Variants in ATP2B2 observed in about 807,000 individuals in gnomAD.
ATP2B2 encodes the protein ATPase plasma membrane Ca2+ transporting 2, also known as plasma membrane calcium-transporting ATPase 2.
In ATP2B2, 15 loss-of-function variants were observed where a neutral mutation model predicts 120.0. That is an observed-to-expected ratio of 0.12 (90% CI 0.08 to 0.19). The LOEUF is 0.19. Ranked by LOEUF, ATP2B2 falls within the 10% of genes least tolerant of loss-of-function variation. The pLI is 1.00. For missense variants in ATP2B2, 1,045 were observed against 1,719.8 expected (o/e 0.61, Z 6.94); for synonymous variants, 694 against 700.3 (o/e 0.99, Z 0.14).
At position 10,625,341 on chromosome 3, in the gene ATP2B2, A is replaced by T. The variant is rs566850329; in HGVS notation, c.-459-5380T>A. ...TCATGGGCTTCGGGGGCCTGGGTCA[A>T]GAGTGAGAAGGTGAGGGGTGGTGGA... is the stretch of plus-strand genomic sequence containing the variant. On this transcript the variant is annotated intron_variant, in intron 1 of 21. Coordinates refer to the ATP2B2 transcript ENST00000646379. 3.9e-5 allele frequency among the ~76,000 whole-genome samples: 6 copies of T among 152,296 alleles called. No homozygotes were observed. In the South Asian group the frequency reaches 1.2e-3, roughly 32 times the overall value.
At chr3:10,602,566 AT>A (rs1403676686) in intron 2 of ATP2B2, among the ~76,000 whole-genome samples, 1 of 152,242 alleles carries the variant, frequency 6.6e-6, no homozygotes, top group East Asian at 1.9e-4. Flanking sequence ...GAATTTAATC[AT>A]AGGATGATTT....
At chr3:10,632,129 G>C (rs1260373988) in intron 1 of ATP2B2, among the ~76,000 whole-genome samples, 1 of 152,238 alleles carries the variant, frequency 6.6e-6, no homozygotes, top group Admixed American at 6.5e-5. Context: ...CCAGCCTGCA[G>C]ATGGTTTTTT....
intron 2 of ATP2B2, among the ~76,000 whole-genome samples, chr3:10,435,657 G>A (rs1296719645): frequency 6.6e-6 from 1 of 152,128 alleles, no homozygotes; most frequent in Non-Finnish European, 1.5e-5. Flanking sequence ...GTGACAGGTG[G>A]GCAGGAGGTT....
intron 1 of ATP2B2, among the ~76,000 whole-genome samples, chr3:10,676,441 C>T (rs1203311603): frequency 6.6e-6 from 1 of 152,062 alleles, no homozygotes; most frequent in Non-Finnish European, 1.5e-5. Context: ...ACAGAACTAC[C>T]ATCATCCTGG....
At chr3:10,597,104 CACAT>C (rs2068787442) in intron 2 of ATP2B2, among the ~76,000 whole-genome samples, 1 of 150,852 alleles carries the variant, frequency 6.6e-6, no homozygotes, top group Admixed American at 6.6e-5. Flanking sequence ...GGCACAGTCA[CACAT>C]ACACGCACAC....
intron 3 of ATP2B2, among the ~76,000 whole-genome samples, chr3:10,518,353 G>T (rs924701241): frequency 6.6e-6 from 1 of 152,140 alleles, no homozygotes; most frequent in Non-Finnish European, 1.5e-5. Context: ...ATGCGGACTC[G>T]CGTCTGCCTT....
rs940411142 is a variant in ATP2B2 at position 10,388,137 on chromosome 3, A to T, written c.907+140T>A. 2.4e-6 allele frequency: 3 copies of T among 1,275,764 alleles called. No homozygotes were observed. The African/African-American group carries it at 4.4e-5, about 19-fold the overall frequency. 79.0% of individuals were successfully genotyped at this position (1,275,764 alleles called of 1,614,324 possible). On this transcript the variant is annotated intron_variant, in intron 6 of 22. Coordinates refer to ENST00000360273, the MANE Select transcript of ATP2B2 (RefSeq NM_001001331.4). The stretch of plus-strand genomic sequence containing the variant: ...AGCCTACCTGGCCCATGCAGGCCTT[A>T]AGGATGCAGGAGGTGGCTGTCAGCA...
rs1042673893 is a variant in ATP2B2, at chr3:10,375,096, G to A, written c.1416+334C>T. 3.3e-5 allele frequency among the ~76,000 whole-genome samples: 5 copies of A among 152,136 alleles called. No individual in the cohort carries two copies. The highest frequency in any genetic ancestry group is 9.7e-5 in the African/African-American group (4 of 41,442). ...TTGATTATCAATGTCTAAAAATCAC[G>A]AGAGTCTACATTAAGTCCAGATTTC... On this transcript the variant is annotated intron_variant, in intron 11 of 22. Coordinates refer to ENST00000360273, the MANE Select transcript of ATP2B2 (RefSeq NM_001001331.4). The surrounding 1 kb of genome is among the most constrained non-coding windows in gnomAD (Gnocchi z 4.2).
intron 11 of ATP2B2, 35 bp from the exon 12 acceptor site, chr3:10,372,086 G>T: frequency 1.2e-6 from 2 of 1,614,116 alleles, no homozygotes; most frequent in African/African-American, 2.7e-5. Context: ...GCAACAGTGA[G>T]GAGAGGGGCT....
chr3:10,350,031 G>A, intron 16 of ATP2B2, 81 bp downstream of exon 16: 2 of 1,418,002 alleles, frequency 1.4e-6, no homozygotes, highest in Non-Finnish European at 2.0e-6. Flanking sequence ...CTGGGAAGAA[G>A]CTGCAAGTGC....
intron 8 of ATP2B2, among the ~76,000 whole-genome samples, chr3:10,383,074 TTTTTA>T (rs2061577787): frequency 6.6e-6 from 1 of 150,528 alleles, no homozygotes. Flanking sequence ...TTAATTTTAA[TTTTTA>T]TTTTATTATT....
At chr3:10,494,190 T>A (rs2066046618) in intron 1 of ATP2B2, among the ~76,000 whole-genome samples, 1 of 152,006 alleles carries the variant, frequency 6.6e-6, no homozygotes, top group Non-Finnish European at 1.5e-5. Context: ...TAGGGTGAGA[T>A]TAAGGGAGAG....
intron 2 of ATP2B2, among the ~76,000 whole-genome samples, chr3:10,609,781 G>A (rs1010469639): frequency 1.3e-5 from 2 of 152,154 alleles, no homozygotes; most frequent in Non-Finnish European, 2.9e-5. Context: ...CTGATGAGGT[G>A]GACATCACTG....
chr3:10,541,230 T>C (rs774490543), intron 2 of ATP2B2, among the ~76,000 whole-genome samples: 5 of 152,216 alleles, frequency 3.3e-5, no homozygotes, highest in Admixed American at 1.3e-4. Context: ...CTGTGTTTCA[T>C]TGGTTTTCTC....
chr3:10,372,094 G>T, intron 11 of ATP2B2, 43 bp from the exon 12 acceptor site: 1 of 1,613,990 alleles, frequency 6.2e-7, no homozygotes, highest in East Asian at 2.2e-5. Flanking sequence ...GAGGAGAGGG[G>T]CTGGGGAGCA....
At chr3:10,516,510 G>A (rs2066879086) in intron 3 of ATP2B2, among the ~76,000 whole-genome samples, 1 of 152,172 alleles carries the variant, frequency 6.6e-6, no homozygotes, top group African/African-American at 2.4e-5. Context: ...CAGCACCTCA[G>A]ATACCATCCT....
At chr3:10,407,889 C>G (rs1004733567) in intron 3 of ATP2B2, among the ~76,000 whole-genome samples, 1 of 152,202 alleles carries the variant, frequency 6.6e-6, no homozygotes, top group Non-Finnish European at 1.5e-5. Flanking sequence ...TCATTCACCC[C>G]CTTTTATGGA....
At chr3:10,443,059 G>T (rs1037322827) in intron 2 of ATP2B2, among the ~76,000 whole-genome samples, 8 of 152,214 alleles carry the variant, frequency 5.3e-5, no homozygotes, top group African/African-American at 1.9e-4. Flanking sequence ...AGCCTGGACG[G>T]TCCCAGCTCA....
intron 2 of ATP2B2, among the ~76,000 whole-genome samples, chr3:10,559,208 C>T (rs1402643101): frequency 6.6e-6 from 1 of 151,942 alleles, no homozygotes; most frequent in Admixed American, 6.5e-5. Context: ...GGAGTGAGCT[C>T]GTGGAAGTAG....
Sources: gnomAD v4.1 joint callset for allele counts (sites outside exome capture counted in the v4.1 genomes callset) on GRCh38, gnomAD v4.1.1 for gene constraint, Gnocchi (gnomAD v3.1) non-coding constraint, MANE v1.5 for transcripts, NCBI Gene and HGNC (gene_info 2026-07-23, HGNC 2026-07-21) for gene names.